Variants in EFR3A observed in about 807,000 individuals in gnomAD.
EFR3A encodes EFR3 homolog A, also known as protein EFR3 homolog A.
EFR3A carries 76 observed loss-of-function variants against 104.4 expected under a neutral mutation model. That is an observed-to-expected ratio of 0.73 (90% CI 0.60 to 0.88). EFR3A has a LOEUF of 0.88. Among genes scored for constraint, EFR3A ranks in the 40% least tolerant of loss-of-function variants. EFR3A has a pLI of 0.00. For synonymous variants in EFR3A, 330 were observed against 330.0 expected (o/e 1.00, Z 0.00); for missense variants, 985 against 1,012.5 (o/e 0.97, Z 0.37).
intron 7 of EFR3A, among the ~76,000 whole-genome samples, chr8:131,956,157 A>G (rs16904559): frequency 0.27 from 40,657 of 152,100 alleles, 6,247 homozygotes; most frequent in East Asian, 0.49. Context: ...TAACTTGAAT[A>G]TCTGCTTACA....
chr8:131,961,281 C>T (rs1010263394), intron 8 of EFR3A, among the ~76,000 whole-genome samples: 2 of 152,046 alleles, frequency 1.3e-5, no homozygotes, highest in Non-Finnish European at 2.9e-5. Flanking sequence ...GGGGGAAGTT[C>T]GAACCCATGG....
intron 18 of EFR3A, among the ~76,000 whole-genome samples, chr8:131,988,517 G>C (rs1185069640): frequency 2.6e-5 from 4 of 151,922 alleles, no homozygotes; most frequent in African/African-American, 9.7e-5. Flanking sequence ...AACAGTCTGA[G>C]ATGTTAATGA....
Position 131,978,912 on chromosome 8 carries a change from G to C in EFR3A, c.1392G>C (p.Leu464Phe). Residue 464 changes from leucine to phenylalanine, a missense_variant, in exon 13 of 23, where the codon TTG (leucine) becomes TTC (phenylalanine). Leu to Phe is a conservative substitution (Grantham distance 22). Transcript: ENST00000254624. ...TALPGSFLDP[L>F]LSPSLMEDYE... ...TGCCAGGGTCTTTCCTGGATCCTTT[G>C]TTATCACCATCTCTCATGGAGGACT... 1 of 1,612,914 alleles carries C rather than the reference G, an allele frequency of 6.2e-7. No homozygotes were observed. Among genetic ancestry groups the C allele is most frequent in the Non-Finnish European group, 8.5e-7 (1 of 1,179,246 alleles).
intron 1 of EFR3A, among the ~76,000 whole-genome samples, chr8:131,935,795 A>G (rs990762671): frequency 5.3e-5 from 8 of 151,988 alleles, no homozygotes; most frequent in South Asian, 2.1e-4. Flanking sequence ...GGAGACATCA[A>G]TATTTCCAGT....
chr8:131,958,433 T>A (rs1563663874), intron 7 of EFR3A, among the ~76,000 whole-genome samples: 1 of 152,170 alleles, frequency 6.6e-6, no homozygotes, highest in African/African-American at 2.4e-5. Flanking sequence ...TTATTTTAAT[T>A]AGTGGGTTTC....
chr8:131,954,837 T>C (rs1818896659), intron 6 of EFR3A, among the ~76,000 whole-genome samples: 1 of 152,012 alleles, frequency 6.6e-6, no homozygotes, highest in Non-Finnish European at 1.5e-5. Flanking sequence ...ATTATATGTG[T>C]AATAGCAGCA....
intron 2 of EFR3A, among the ~76,000 whole-genome samples, chr8:131,942,942 G>T (rs987099059): frequency 6.6e-6 from 1 of 152,100 alleles, no homozygotes; most frequent in East Asian, 1.9e-4. Flanking sequence ...ATAAAAAGCA[G>T]AGCAGTGGTT....
At position 131,978,916 on chromosome 8, in the gene EFR3A, T is replaced by C. The variant is rs771049163; in HGVS notation, c.1396T>C (p.Ser466Pro). 13 of 1,612,908 alleles carry C rather than the reference T, an allele frequency of 8.1e-6. No individual in the cohort carries two copies. Among genetic ancestry groups the C allele is most frequent in the South Asian group, 1.1e-5 (1 of 90,938 alleles). ...AGGGTCTTTCCTGGATCCTTTGTTA[T>C]CACCATCTCTCATGGAGGACTACGA... ...LPGSFLDPLL[S>P]PSLMEDYELR... The change falls in exon 13 of 23, where the codon TCA becomes CCA. Residue 466 changes from serine (S) to proline (P), a missense_variant. By Grantham distance (74) the Ser-to-Pro change is moderately conservative (BLOSUM62 -1). Transcript: ENST00000254624.
intron 2 of EFR3A, among the ~76,000 whole-genome samples, chr8:131,943,154 A>G (rs1422115391): frequency 6.6e-6 from 1 of 152,082 alleles, no homozygotes; most frequent in African/African-American, 2.4e-5. Flanking sequence ...TGGATTAGGG[A>G]TATCTAAGTA....
rs1822340416 is a variant in EFR3A, at chr8:132,011,434, G to A, written c.*539G>A. The A allele has an allele frequency of 2.0e-6, 2 of 984,346 alleles. No homozygotes were observed. Among genetic ancestry groups the A allele is most frequent in the African/African-American group, 3.5e-5 (2 of 57,172 alleles). 61.0% of individuals were successfully genotyped at this position (984,346 alleles called of 1,614,324 possible). On this transcript the variant is annotated 3_prime_UTR_variant, in exon 23 of 23. Coordinates refer to ENST00000254624, the MANE Select transcript of EFR3A (RefSeq NM_015137.6). ...TGCTATTCAGTTACTATAATAATAT[G>A]TGATAGGCATTCCTCATCTTCTTCA... is the stretch of plus-strand genomic sequence containing the variant.
chr8:131,995,739 A>G (rs1199641874), intron 18 of EFR3A, among the ~76,000 whole-genome samples: 1 of 152,188 alleles, frequency 6.6e-6, no homozygotes, highest in Non-Finnish European at 1.5e-5. Context: ...ATTTGTTCAG[A>G]CTGTACAAAT....
intron 1 of EFR3A, among the ~76,000 whole-genome samples, chr8:131,925,680 C>T (rs964127829): frequency 2.0e-5 from 3 of 151,954 alleles, no homozygotes; most frequent in Admixed American, 6.6e-5. Flanking sequence ...GGTCTTCTCT[C>T]CCTGAAGACC....
intron 8 of EFR3A, 150 bp downstream of exon 8, chr8:131,959,813 T>G: frequency 1.9e-6 from 1 of 519,284 alleles, no homozygotes; most frequent in Non-Finnish European, 3.4e-6. Flanking sequence ...CATTTGCTAC[T>G]TATTTTCTTA....
intron 4 of EFR3A, among the ~76,000 whole-genome samples, chr8:131,948,974 C>T (rs1330655079): frequency 1.3e-5 from 2 of 152,028 alleles, no homozygotes; most frequent in African/African-American, 4.8e-5. Context: ...TATTTCGGTT[C>T]TCCTTTGTTT....
intron 1 of EFR3A, 27 bp downstream of exon 1, chr8:131,904,349 C>A (rs1816132286): frequency 3.2e-6 from 4 of 1,245,752 alleles, no homozygotes; most frequent in African/African-American, 3.1e-5. Context: ...GGGCCGGGGG[C>A]GTTGGGAGGC....
intron 1 of EFR3A, among the ~76,000 whole-genome samples, chr8:131,914,739 G>C (rs1048032350): frequency 6.6e-6 from 1 of 151,962 alleles, no homozygotes; most frequent in Non-Finnish European, 1.5e-5. Context: ...TTGTATTGTT[G>C]TAATATTATT....
intron 1 of EFR3A, among the ~76,000 whole-genome samples, chr8:131,921,890 A>G (rs1313205985): frequency 6.6e-6 from 1 of 152,206 alleles, no homozygotes; most frequent in African/African-American, 2.4e-5. Flanking sequence ...TTACTGGTGT[A>G]CATGTTGTAC....
chr8:131,984,675 A>C (rs1033620916), intron 15 of EFR3A, among the ~76,000 whole-genome samples: 1 of 152,184 alleles, frequency 6.6e-6, no homozygotes, highest in Non-Finnish European at 1.5e-5. Context: ...CCATATATGC[A>C]TGTCCGTGTG....
At chr8:131,946,670 A>G in intron 4 of EFR3A, 37 bp downstream of exon 4, 5 of 1,478,926 alleles carry the variant, frequency 3.4e-6, no homozygotes, top group Non-Finnish European at 4.5e-6. Flanking sequence ...TGTATGCTTA[A>G]TTAGCATATC....
Sources: gnomAD v4.1 joint callset for allele counts (sites outside exome capture counted in the v4.1 genomes callset) on GRCh38, gnomAD v4.1.1 for gene constraint, MANE v1.5 for transcripts, NCBI Gene and HGNC (gene_info 2026-07-23, HGNC 2026-07-21) for gene names.